The following AATF variants were observed in gnomAD, a reference collection of about 807,000 sequenced individuals.
AATF encodes protein AATF.
Under a neutral mutation model 63.7 loss-of-function variants are expected in AATF, and 48 were observed. The observed-to-expected ratio is 0.75, with a 90% CI of 0.60 to 0.96. The LOEUF (loss-of-function observed/expected upper bound fraction) is 0.96. Ranked by LOEUF, AATF falls within the 40% of genes least tolerant of loss-of-function variation. The pLI is 0.00. For synonymous variants in AATF, 258 were observed against 247.7 expected (o/e 1.04, Z -0.39); for missense variants, 639 against 685.7 (o/e 0.93, Z 0.76).
chr17:37,054,066 G>A (rs1170810271), intron 11 of AATF, among the ~76,000 whole-genome samples: 2 of 152,152 alleles, frequency 1.3e-5, no homozygotes, highest in African/African-American at 4.8e-5. Context: ...GAGGGAGGAA[G>A]GGCTGTGCCT....
chr17:37,010,346 T>C (rs2071381049), intron 8 of AATF, among the ~76,000 whole-genome samples: 1 of 152,082 alleles, frequency 6.6e-6, no homozygotes, highest in African/African-American at 2.4e-5. Flanking sequence ...TAGTCCCAGC[T>C]ACTTGAGAGG....
At chr17:36,951,562 C>A (rs2070855261) in intron 2 of AATF, among the ~76,000 whole-genome samples, 1 of 152,138 alleles carries the variant, frequency 6.6e-6, no homozygotes, top group Non-Finnish European at 1.5e-5. Context: ...TACTACTTAG[C>A]CCCATTTTAC....
intron 4 of AATF, among the ~76,000 whole-genome samples, chr17:36,978,732 A>G (rs942406767): frequency 3.9e-5 from 6 of 151,946 alleles, no homozygotes; most frequent in Admixed American, 1.3e-4. Flanking sequence ...TATGTTGGAA[A>G]TGATAGCAAC....
chr17:37,047,303 A>G (rs2071701990), intron 11 of AATF, among the ~76,000 whole-genome samples: 1 of 152,110 alleles, frequency 6.6e-6, no homozygotes, highest in Admixed American at 6.5e-5. Flanking sequence ...CTTTTTTGCA[A>G]GTCCGCTAAG....
intron 11 of AATF, among the ~76,000 whole-genome samples, chr17:37,039,996 GCTT>G (rs2071624111): frequency 6.6e-6 from 1 of 152,068 alleles, no homozygotes; most frequent in Non-Finnish European, 1.5e-5. Context: ...TATTCTCATC[GCTT>G]CTTCAAAGGA....
intron 4 of AATF, among the ~76,000 whole-genome samples, chr17:36,972,887 G>A (rs1424550271): frequency 6.6e-6 from 1 of 152,020 alleles, no homozygotes; most frequent in Non-Finnish European, 1.5e-5. Flanking sequence ...TGGAAGACTC[G>A]GGATTCTGTC....
rs1033546668 is a variant in AATF, at chr17:36,998,827, T to G, written c.1398+7970T>G. ...ATTTGTGTTACCTAAGAAGAGTGAATATCTATGCAGTCACAAAATTAAGAG... is the reference window on the plus strand; with the variant it reads ...ATTTGTGTTACCTAAGAAGAGTGAAGATCTATGCAGTCACAAAATTAAGAG... On this transcript the variant is annotated intron_variant, in intron 8 of 11. Transcript: ENST00000619387. 5 of 152,204 alleles carry G rather than the reference T, an allele frequency of 3.3e-5. No homozygotes were observed. The East Asian group carries it at 5.8e-4, about 18-fold the overall frequency. 9.4% of individuals were successfully genotyped at this position (152,204 alleles called of 1,614,324 possible).
At chr17:37,001,368 GA>G (rs1170664375) in intron 8 of AATF, among the ~76,000 whole-genome samples, 1 of 138,614 alleles carries the variant, frequency 7.2e-6, no homozygotes, top group East Asian at 2.2e-4. Context: ...GAAAGAGAGA[GA>G]GGGGAGAGAG....
intron 8 of AATF, among the ~76,000 whole-genome samples, chr17:37,015,480 A>G (rs1483221203): frequency 1.3e-5 from 2 of 152,176 alleles, no homozygotes; most frequent in Non-Finnish European, 2.9e-5. Flanking sequence ...GGGAATTCAC[A>G]TGGCAGAAGG....
chr17:37,024,787 C>T (rs191656743), intron 10 of AATF, among the ~76,000 whole-genome samples: 47 of 151,984 alleles, frequency 3.1e-4, no homozygotes, highest in Admixed American at 9.8e-4. Context: ...GGTGAAACCC[C>T]GTCTCTACTA....
At chr17:36,953,410 T>C in intron 3 of AATF, 114 bp downstream of exon 3, 1 of 1,493,902 alleles carries the variant, frequency 6.7e-7, no homozygotes, top group African/African-American at 1.4e-5. Context: ...AATTAGTTTG[T>C]GACATGCCCC....
chr17:36,964,496 G>C (rs1053655161), intron 4 of AATF, among the ~76,000 whole-genome samples: 1 of 152,158 alleles, frequency 6.6e-6, no homozygotes, highest in Non-Finnish European at 1.5e-5. Context: ...GAAAGAGCAA[G>C]ACTGTCTTTA....
At chr17:37,002,068 G>A (rs1023518699) in intron 8 of AATF, among the ~76,000 whole-genome samples, 2 of 151,944 alleles carry the variant, frequency 1.3e-5, no homozygotes, top group African/African-American at 4.8e-5. Context: ...CAGGCGTGGT[G>A]GTGTACGCCT....
chr17:37,014,267 GTAATAA>G (rs71368437), intron 8 of AATF, among the ~76,000 whole-genome samples: 4,388 of 145,054 alleles, frequency 0.03, 167 homozygotes, highest in African/African-American at 0.087. Flanking sequence ...GACTGTCTTA[GTAATAA>G]TAATAATAAT....
intron 4 of AATF, among the ~76,000 whole-genome samples, chr17:36,969,924 T>C (rs1293288939): frequency 6.6e-6 from 1 of 152,232 alleles, no homozygotes; most frequent in Non-Finnish European, 1.5e-5. Flanking sequence ...CTTTTTAGTC[T>C]GGCTTTTGCT....
intron 10 of AATF, among the ~76,000 whole-genome samples, chr17:37,022,938 C>A (rs897949163): frequency 6.6e-6 from 1 of 152,114 alleles, no homozygotes; most frequent in Non-Finnish European, 1.5e-5. Context: ...CCCCCAGCCC[C>A]CTTCAAGGAT....
At chr17:36,986,155 C>T (rs2071167329) in intron 4 of AATF, among the ~76,000 whole-genome samples, 3 of 152,016 alleles carry the variant, frequency 2.0e-5, no homozygotes, top group African/African-American at 7.2e-5. Context: ...GGTGGGGATG[C>T]CTAGACAAAG....
At chr17:36,981,681 C>T (rs2071125569) in intron 4 of AATF, among the ~76,000 whole-genome samples, 2 of 140,262 alleles carry the variant, frequency 1.4e-5, no homozygotes, top group African/African-American at 2.7e-5. Context: ...TTTCTTCTTT[C>T]TTCTTCTTCT....
chr17:36,988,683 A>G lies in AATF; in HGVS notation c.1112A>G (p.His371Arg). ...VYRNRTLQKW[H>R]DKTKLASGKL... is the part of the protein sequence containing the mutation. ...AGGAACCGCACACTTCAGAAATGGC[A>G]CGATAAGACCAAACTGGCTTCTGGA... is the stretch of plus-strand genomic sequence containing the variant. Residue 371 changes from histidine (H) to arginine (R), a missense_variant, in exon 6 of 12, where the codon CAC (histidine) becomes CGC (arginine). By Grantham distance (29) the His-to-Arg change is conservative (BLOSUM62 0). Transcript: ENST00000619387. 1.2e-6 allele frequency: 2 copies of G among 1,614,064 alleles called. No individual in the cohort carries two copies. The highest frequency in any genetic ancestry group is 8.5e-7 in the Non-Finnish European group (1 of 1,179,980).
Sources: allele counts gnomAD v4.1 joint callset (sites outside exome capture counted in the v4.1 genomes callset), GRCh38; gene constraint gnomAD v4.1.1; transcripts MANE v1.5; gene names NCBI Gene and HGNC (gene_info 2026-07-23, HGNC 2026-07-21).